The following HOOK1 variants were observed in gnomAD, a reference collection of about 807,000 sequenced individuals.
HOOK1 encodes the protein protein Hook homolog 1.
Under a neutral mutation model 112.8 loss-of-function variants are expected in HOOK1, and 60 were observed. The observed-to-expected ratio is 0.53, with a 90% CI of 0.43 to 0.66. The LOEUF (loss-of-function observed/expected upper bound fraction) is 0.66, where lower values mean the gene tolerates loss of function less well. HOOK1 is among the 30% of genes least tolerant of loss of function. The pLI is 0.00. For missense variants in HOOK1, 770 were observed against 856.0 expected (o/e 0.90, Z 1.25); for synonymous variants, 294 against 283.8 (o/e 1.04, Z -0.36).
At chr1:59,866,769 C>T (rs1643975436) in intron 19 of HOOK1, among the ~76,000 whole-genome samples, 1 of 152,170 alleles carries the variant, frequency 6.6e-6, no homozygotes. Flanking sequence ...CTACATAATA[C>T]TTAGTTGTGT....
In HOOK1 at chr1:59,864,139, T is replaced by C. The variant is rs57756725; in HGVS notation, c.1627-493T>C. ...TTTAAAATTTTGCTTTTTAACAATA[T>C]TCAGTTGCTTCATTTTGGTGTTAGT... On this transcript the variant is annotated intron_variant, in intron 16 of 21. Transcript: ENST00000371208. 1.1e-3 allele frequency among the ~76,000 whole-genome samples: 160 copies of C among 152,088 alleles called. 1 individual carries two copies. Among genetic ancestry groups the C allele is most frequent in the African/African-American group, 3.8e-3 (157 of 41,564 alleles).
At chr1:59,822,012 A>G in intron 2 of HOOK1, 69 bp downstream of exon 2, 3 of 1,242,218 alleles carry the variant, frequency 2.4e-6, no homozygotes, top group Non-Finnish European at 3.5e-6. Context: ...GAAAACTTGG[A>G]CTTGAATTCC....
Position 59,847,117 on chromosome 1 carries a change from T to C in HOOK1, c.861T>C (p.His287=). 1.9e-6 allele frequency: 3 copies of C among 1,608,178 alleles called. No homozygotes were observed. The highest frequency in any genetic ancestry group is 1.1e-5 in the South Asian group (1 of 90,178). Residue 287 remains histidine (H), a synonymous_variant, in exon 10 of 22, where the codon CAT becomes CAC. Transcript: ENST00000371208. ...AAAAGCAGCTAATCGAATTCCAGCA[T>C]AGGAATGATGAATTGACTAGTCTTG... ...ELEKQLIEFQ[H]RNDELTSLAE... is the part of the protein sequence containing the mutation.
At chr1:59,868,217 T>C in intron 19 of HOOK1, 33 bp from the exon 20 acceptor site, 1 of 1,123,942 alleles carries the variant, frequency 8.9e-7, no homozygotes. Context: ...CTTTAAAATA[T>C]AAAGTGAACA....
At chr1:59,851,408 G>GT in intron 12 of HOOK1, among the ~76,000 whole-genome samples, 1 of 151,488 alleles carries the variant, frequency 6.6e-6, no homozygotes, top group African/African-American at 2.4e-5. Flanking sequence ...ATTCCTAAGT[G>GT]TTTCATTCTT....
chr1:59,872,934 C>A lies in HOOK1; in HGVS notation c.2156C>A (p.Ser719Tyr). Reference sequence around the variant, plus strand: ...ATCACCAACACCAGAAGAAATCTCTCTGTTAAAGTCCCTGCTACAACATCT... The same window carrying A: ...ATCACCAACACCAGAAGAAATCTCTATGTTAAAGTCCCTGCTACAACATCT... ...RHITNTRRNLSVKVPATTSD is the reference protein window; with the variant it reads ...RHITNTRRNLYVKVPATTSD The change falls in exon 22 of 22, where the codon TCT becomes TAT. Residue 719 changes from serine to tyrosine, a missense_variant. By Grantham distance (144) the Ser-to-Tyr change is moderately radical (BLOSUM62 -2). Coordinates refer to ENST00000371208, the MANE Select transcript of HOOK1 (RefSeq NM_015888.6). 6.6e-7 allele frequency: 1 copy of A among 1,513,494 alleles called. No individual in the cohort carries two copies. Among genetic ancestry groups the A allele is most frequent in the East Asian group, 2.5e-5 (1 of 39,964 alleles). The allele number at this position is 1,513,494 out of a possible 1,614,324, so 93.8% of individuals were successfully genotyped here.
intron 4 of HOOK1, among the ~76,000 whole-genome samples, 177 bp downstream of exon 4, chr1:59,832,390 T>C (rs1387599620): frequency 6.6e-6 from 1 of 152,110 alleles, no homozygotes; most frequent in Admixed American, 6.5e-5. Context: ...CTTGGATATA[T>C]TGATTTGTAA....
intron 8 of HOOK1, among the ~76,000 whole-genome samples, chr1:59,840,930 G>A (rs904375221): frequency 6.6e-6 from 1 of 152,080 alleles, no homozygotes; most frequent in African/African-American, 2.4e-5. Flanking sequence ...TGGTTAAGAG[G>A]TTAGATTGTC....
rs2098394492 is a variant in HOOK1, at chr1:59,832,189, A to G, written c.249A>G (p.Gln83=). The change falls in exon 4 of 22, where the codon CAA becomes CAG. Residue 83 remains glutamine (Q), a synonymous_variant. Transcript: ENST00000371208. The stretch of plus-strand genomic sequence containing the variant: ...CCAGTAATGTAAAGAAGGTCCTTCA[A>G]GGAATTATGAGTTATTATCATGAGG... ...IKASNVKKVL[Q]GIMSYYHEFL... The G allele has an allele frequency of 1.3e-6, 2 of 1,557,570 alleles. No individual in the cohort carries two copies. Among genetic ancestry groups the G allele is most frequent in the African/African-American group, 1.4e-5 (1 of 72,646 alleles).
intron 1 of HOOK1, among the ~76,000 whole-genome samples, chr1:59,821,259 A>G (rs2098385396): frequency 6.6e-6 from 1 of 152,204 alleles, no homozygotes; most frequent in South Asian, 2.1e-4. Context: ...CAATATATAC[A>G]TGAATATTTA....
chr1:59,854,001 A>AATATATATATATATATATATAT (rs71046347), intron 12 of HOOK1, among the ~76,000 whole-genome samples: 1 of 25,696 alleles, frequency 3.9e-5, no homozygotes, highest in Non-Finnish European at 6.6e-5. Flanking sequence ...ATTAATCTTA[A>AATATATATATATATATATATAT]ATATATATAT....
chr1:59,856,564 T>C (rs2098410895), intron 12 of HOOK1, among the ~76,000 whole-genome samples: 1 of 152,146 alleles, frequency 6.6e-6, no homozygotes, highest in Admixed American at 6.6e-5. Flanking sequence ...ATATAAAATT[T>C]CAAATCTGGA....
intron 1 of HOOK1, among the ~76,000 whole-genome samples, chr1:59,819,805 A>C (rs2098384262): frequency 6.6e-6 from 1 of 152,228 alleles, no homozygotes; most frequent in East Asian, 1.9e-4. Context: ...TGGAAGTCAC[A>C]GTTTATTTTC....
At chr1:59,860,860 G>A (rs1016235937) in intron 15 of HOOK1, among the ~76,000 whole-genome samples, 6 of 150,598 alleles carry the variant, frequency 4.0e-5, no homozygotes, top group East Asian at 2.0e-4. Context: ...TGCAACTTCC[G>A]CCTCACGGGT....
rs1644097317 is a variant in HOOK1 at position 59,874,055 on chromosome 1, A to G, written c.*1090A>G. 1 of 152,012 alleles carries G rather than the reference A, an allele frequency of 6.6e-6. No homozygotes were observed. Among genetic ancestry groups the G allele is most frequent in the Non-Finnish European group, 1.5e-5 (1 of 67,974 alleles). 9.4% of individuals were successfully genotyped at this position (152,012 alleles called of 1,614,324 possible). A position where few individuals can be genotyped will look rare whatever the true frequency, so the allele number is the denominator to read the frequency against. On this transcript the variant is annotated 3_prime_UTR_variant, in exon 22 of 22. Transcript: ENST00000371208. ...ACTTTTGGGGTCATTTTTAAAAGTT[A>G]GCACTTTTGAATTTTAGTTGTGTTA...
At chr1:59,870,556 A>G (rs1299861456) in intron 20 of HOOK1, among the ~76,000 whole-genome samples, 1 of 152,248 alleles carries the variant, frequency 6.6e-6, no homozygotes, top group Non-Finnish European at 1.5e-5. Context: ...GTGATGGCAC[A>G]TAAATACGGC....
At chr1:59,819,647 C>T (rs544929621) in intron 1 of HOOK1, among the ~76,000 whole-genome samples, 3 of 152,300 alleles carry the variant, frequency 2.0e-5, no homozygotes, top group African/African-American at 7.2e-5. Flanking sequence ...AGTCCCTTAG[C>T]ATGTGTACCT....
chr1:59,816,471 G>C (rs761882366), intron 1 of HOOK1, among the ~76,000 whole-genome samples: 1 of 152,184 alleles, frequency 6.6e-6, no homozygotes, highest in Non-Finnish European at 1.5e-5. Context: ...TAATTAAAGG[G>C]TGTATCCGAA....
At chr1:59,847,575 T>G (rs1449980074) in intron 10 of HOOK1, among the ~76,000 whole-genome samples, 1 of 151,714 alleles carries the variant, frequency 6.6e-6, no homozygotes, top group Non-Finnish European at 1.5e-5. Flanking sequence ...AAACTATAGA[T>G]CAAATATAGG....
Sources: allele counts gnomAD v4.1 joint callset (sites outside exome capture counted in the v4.1 genomes callset), GRCh38; gene constraint gnomAD v4.1.1; transcripts MANE v1.5; gene names NCBI Gene and HGNC (gene_info 2026-07-23, HGNC 2026-07-21).